The following C12orf42 variants were observed in gnomAD, a reference collection of about 807,000 sequenced individuals.
C12orf42 encodes chromosome 12 open reading frame 42.
A neutral mutation model predicts 21.6 loss-of-function variants in C12orf42; 25 were observed. The observed-to-expected ratio is 1.16, with a 90% CI of 0.84 to 1.62. The LOEUF is 1.62. Among genes scored for constraint, C12orf42 ranks in the 40% most tolerant of loss-of-function variants. The pLI, the probability that C12orf42 is intolerant of heterozygous loss-of-function variation, is 0.00. For missense variants in C12orf42, 483 were observed against 459.3 expected, an observed-to-expected ratio of 1.05 and a Z score of -0.47; for synonymous variants, 174 against 175.0, an observed-to-expected ratio of 0.99 and a Z score of 0.05.
At chr12:103,407,142 A>G (rs1463267657) in intron 2 of C12orf42, among the ~76,000 whole-genome samples, 1 of 152,204 alleles carries the variant, frequency 6.6e-6, no homozygotes, top group Non-Finnish European at 1.5e-5. Flanking sequence ...TCCTAGTCAT[A>G]AAGCCTGCAG....
rs116308648 is a variant in C12orf42 at position 103,326,799 on chromosome 12, T to G, written c.260-20454A>C. ...CTGCACTGCTCTTTCCTTACCCTGT[T>G]CCTGATTTACTTTTATTCATAAGAC... On this transcript the variant is annotated intron_variant, in intron 4 of 5. Coordinates refer to ENST00000548883, the MANE Select transcript of C12orf42 (RefSeq NM_198521.5). 7.8e-3 allele frequency among the ~76,000 whole-genome samples: 1,187 copies of G among 152,282 alleles called. 9 individuals are homozygous for G. The highest frequency in any genetic ancestry group is 0.027 in the African/African-American group (1,123 of 41,560).
At chr12:103,433,885 ATG>A (rs1292029027) in intron 2 of C12orf42, among the ~76,000 whole-genome samples, 13 of 152,224 alleles carry the variant, frequency 8.5e-5, no homozygotes, top group African/African-American at 2.9e-4. Context: ...GGAAACAGAG[ATG>A]TAAATTTAGA....
the C12orf42 span, among the ~76,000 whole-genome samples, chr12:103,209,284 CT>C: frequency 1.3e-5 from 2 of 152,096 alleles, no homozygotes; most frequent in Admixed American, 1.3e-4. Context: ...CAAAGATTCC[CT>C]CAAATGTCAA....
intron 2 of C12orf42, among the ~76,000 whole-genome samples, chr12:103,467,501 A>C (rs1354737315): frequency 6.6e-6 from 1 of 152,180 alleles, no homozygotes; most frequent in Non-Finnish European, 1.5e-5. Context: ...TCAAGCCTTG[A>C]GCCTGCAGAT....
At chr12:103,332,764 T>C (rs2041355239) in intron 4 of C12orf42, among the ~76,000 whole-genome samples, 1 of 152,358 alleles carries the variant, frequency 6.6e-6, no homozygotes, top group East Asian at 1.9e-4. Flanking sequence ...ATAGGTTCCT[T>C]ACAGATGTAA....
At chr12:103,136,121 T>G in the C12orf42 span, among the ~76,000 whole-genome samples, 1 of 152,124 alleles carries the variant, frequency 6.6e-6, no homozygotes, top group Non-Finnish European at 1.5e-5. Context: ...CTCTTTGCAG[T>G]GAACATAATC....
chr12:103,387,592 C>T (rs748969512), intron 3 of C12orf42, among the ~76,000 whole-genome samples: 11 of 152,200 alleles, frequency 7.2e-5, no homozygotes, highest in South Asian at 2.1e-4. Context: ...CCAGGGATGG[C>T]GGTTGCATCA....
At chr12:103,209,925 C>T in the C12orf42 span, among the ~76,000 whole-genome samples, 513 of 152,300 alleles carry the variant, frequency 3.4e-3, 1 homozygote, top group African/African-American at 0.012. Flanking sequence ...AAGAACCACA[C>T]ACACATAGTT....
At chr12:103,506,870 ATT>A in the C12orf42 span, among the ~76,000 whole-genome samples, 2 of 70,452 alleles carry the variant, frequency 2.8e-5, no homozygotes, top group Non-Finnish European at 4.9e-5. Flanking sequence ...ATATATATAT[ATT>A]TATATATTAT....
At chr12:103,215,807 A>C in the C12orf42 span, among the ~76,000 whole-genome samples, 1 of 152,248 alleles carries the variant, frequency 6.6e-6, no homozygotes, top group South Asian at 2.1e-4. Context: ...CACAGTACTC[A>C]AAAGAGAAAT....
the C12orf42 span, among the ~76,000 whole-genome samples, chr12:103,142,034 A>ACATTTAAAAATGTCTAGGTATCCCTTT: frequency 6.6e-6 from 1 of 152,212 alleles, no homozygotes; most frequent in Admixed American, 6.5e-5. Flanking sequence ...AACATCCTAG[A>ACATTTAAAAATGTCTAGGTATCCCTTT]CATTTAAAAA....
intron 4 of C12orf42, among the ~76,000 whole-genome samples, chr12:103,294,136 G>A (rs2036992434): frequency 2.0e-5 from 3 of 152,124 alleles, no homozygotes; most frequent in African/African-American, 7.2e-5. Context: ...CAAGGCCAGT[G>A]CCTTGTACAT....
chr12:103,518,752 G>A, the C12orf42 span, among the ~76,000 whole-genome samples: 103 of 152,224 alleles, frequency 6.8e-4, no homozygotes, highest in Non-Finnish European at 7.1e-4. Context: ...TATTTCTTCT[G>A]TCCAAACCTT....
At chr12:103,429,236 A>G (rs1950083874) in intron 2 of C12orf42, among the ~76,000 whole-genome samples, 1 of 152,222 alleles carries the variant, frequency 6.6e-6, no homozygotes, top group African/African-American at 2.4e-5. Context: ...TCTCAGCCCA[A>G]AATTTCCTTA....
At chr12:103,389,639 C>T (rs988857614) in intron 3 of C12orf42, among the ~76,000 whole-genome samples, 1 of 152,142 alleles carries the variant, frequency 6.6e-6, no homozygotes, top group African/African-American at 2.4e-5. Flanking sequence ...GTTCCTCTTC[C>T]TTCTTCCCAG....
At chr12:103,419,998 CTGTTA>C (rs1241611670) in intron 2 of C12orf42, among the ~76,000 whole-genome samples, 13 of 152,140 alleles carry the variant, frequency 8.5e-5, no homozygotes, top group Admixed American at 7.2e-4. Context: ...CAATTATTGG[CTGTTA>C]TATTAACATG....
chr12:103,150,188 T>A, the C12orf42 span, among the ~76,000 whole-genome samples: 5 of 152,222 alleles, frequency 3.3e-5, no homozygotes, highest in Admixed American at 6.5e-5. Context: ...GGGATTGATT[T>A]ATTTTTTAAT....
At chr12:103,399,414 G>A (rs1172687550) in intron 3 of C12orf42, among the ~76,000 whole-genome samples, 4 of 150,952 alleles carry the variant, frequency 2.6e-5, no homozygotes, top group Non-Finnish European at 5.9e-5. Flanking sequence ...TGTCGCCCAG[G>A]CTGGAGTGAA....
At chr12:103,165,012 T>C in the C12orf42 span, among the ~76,000 whole-genome samples, 2 of 152,222 alleles carry the variant, frequency 1.3e-5, no homozygotes, top group African/African-American at 4.8e-5. Context: ...GTCTGTAAAG[T>C]TGGATCCTGA....
Sources: gnomAD v4.1 joint callset for allele counts (sites outside exome capture counted in the v4.1 genomes callset) on GRCh38, gnomAD v4.1.1 for gene constraint, MANE v1.5 for transcripts, NCBI Gene and HGNC (gene_info 2026-07-23, HGNC 2026-07-21) for gene names.